Variants in MTF2 observed in about 807,000 individuals in gnomAD.
The protein encoded by MTF2 is metal response element binding transcription factor 2.
A neutral mutation model predicts 79.5 loss-of-function variants in MTF2; 11 were observed. The observed-to-expected ratio is 0.14, with a 90% confidence interval of 0.09 to 0.23. The LOEUF (loss-of-function observed/expected upper bound fraction) is 0.23. MTF2 is among the 10% of genes least tolerant of loss of function. The pLI is 1.00. For missense variants in MTF2, 486 were observed against 711.2 expected, an observed-to-expected ratio of 0.68 and a Z score of 3.60; for synonymous variants, 208 against 232.8, an observed-to-expected ratio of 0.89 and a Z score of 0.97.
intron 1 of MTF2, among the ~76,000 whole-genome samples, chr1:93,090,210 T>C (rs1655018490): frequency 6.6e-6 from 1 of 152,110 alleles, no homozygotes. Flanking sequence ...TCTCCTGACC[T>C]CGTGATCCAC....
intron 14 of MTF2, among the ~76,000 whole-genome samples, chr1:93,136,171 G>A (rs935380877): frequency 1.3e-5 from 2 of 152,156 alleles, no homozygotes; most frequent in African/African-American, 4.8e-5. Flanking sequence ...CTGACTGCTA[G>A]TTTGTGCTTA....
intron 6 of MTF2, among the ~76,000 whole-genome samples, chr1:93,116,057 T>C (rs543573561): frequency 6.6e-6 from 1 of 152,278 alleles, no homozygotes; most frequent in African/African-American, 2.4e-5. Flanking sequence ...AGATTACTGC[T>C]TTCTTCTACG....
rs776139434 is a variant in MTF2 at position 93,110,637 on chromosome 1, C to G, written c.286+11C>G. On this transcript the variant is annotated intron_variant, in intron 3 of 14. Transcript: ENST00000370298. Reference sequence around the variant, plus strand: ...AGGACATTCAAACAGGCAGGTGCTACTATTTCTCTTGAACATGATTTAAAT... The same window carrying G: ...AGGACATTCAAACAGGCAGGTGCTAGTATTTCTCTTGAACATGATTTAAAT... 6.3e-7 allele frequency: 1 copy of G among 1,585,724 alleles called. No individual in the cohort carries two copies. Among genetic ancestry groups the G allele is most frequent in the South Asian group, 1.1e-5 (1 of 89,050 alleles).
At chr1:93,080,764 CTTTTT>C (rs34251431) in intron 1 of MTF2, among the ~76,000 whole-genome samples, 1 of 136,736 alleles carries the variant, frequency 7.3e-6, no homozygotes, top group East Asian at 2.1e-4. Flanking sequence ...TTGGGAATTC[CTTTTT>C]TTTTTTTTTT....
At chr1:93,124,816 G>A (rs963402420) in intron 9 of MTF2, among the ~76,000 whole-genome samples, 1 of 151,756 alleles carries the variant, frequency 6.6e-6, no homozygotes, top group Admixed American at 6.6e-5. Context: ...TTAGTATCTG[G>A]AGAGGGGGGA....
At chr1:93,119,142 T>C (rs1205762924) in intron 7 of MTF2, among the ~76,000 whole-genome samples, 191 bp from the exon 8 acceptor site, 1 of 152,238 alleles carries the variant, frequency 6.6e-6, no homozygotes, top group Non-Finnish European at 1.5e-5. Flanking sequence ...ACATATGAAC[T>C]GTTTCATTAT....
chr1:93,118,103 A>G (rs1259426290), intron 6 of MTF2, among the ~76,000 whole-genome samples: 1 of 152,198 alleles, frequency 6.6e-6, no homozygotes, highest in Non-Finnish European at 1.5e-5. Context: ...GACTAGAAGT[A>G]GTAGTGTATC....
At chr1:93,134,346 T>C (rs752109295) in intron 14 of MTF2, 151 bp downstream of exon 14, 3 of 587,258 alleles carry the variant, frequency 5.1e-6, no homozygotes, top group East Asian at 5.9e-5. Context: ...TAGATCCCAA[T>C]AGTTGTTAAT....
At chr1:93,134,330 C>T (rs987450350) in intron 14 of MTF2, 135 bp downstream of exon 14, 11 of 638,548 alleles carry the variant, frequency 1.7e-5, no homozygotes, top group African/African-American at 1.3e-4. Flanking sequence ...AGAGGTAATC[C>T]ATATGTAGAT....
At position 93,081,456 on chromosome 1, in the gene MTF2, G is replaced by A. The variant is rs2815420; in HGVS notation, c.5+1925G>A. 6.9e-3 allele frequency among the ~76,000 whole-genome samples: 1,052 copies of A among 152,302 alleles called. 13 individuals carry two copies. Among genetic ancestry groups the A allele is most frequent in the Middle Eastern group, 0.027 (8 of 294 alleles). Reference sequence around the variant, plus strand: ...AAATTTGCCTCTGAGGAGTTGCCATGACCAACATCTGTAGCTTGATGGTTC... The same window carrying A: ...AAATTTGCCTCTGAGGAGTTGCCATAACCAACATCTGTAGCTTGATGGTTC... On this transcript the variant is annotated intron_variant, in intron 1 of 14. Transcript: ENST00000370298.
intron 1 of MTF2, among the ~76,000 whole-genome samples, chr1:93,087,734 A>G (rs1186318352): frequency 1.3e-5 from 2 of 152,206 alleles, no homozygotes; most frequent in African/African-American, 2.4e-5. Context: ...TTGGGATCCA[A>G]AGGTGACAAA....
intron 1 of MTF2, among the ~76,000 whole-genome samples, chr1:93,084,801 T>A (rs781697854): frequency 2.0e-5 from 3 of 152,152 alleles, no homozygotes; most frequent in Non-Finnish European, 4.4e-5. Flanking sequence ...CTTAGGAGTT[T>A]GAGACTTCAG....
intron 10 of MTF2, 94 bp from the exon 11 acceptor site, chr1:93,129,184 A>G (rs1656822817): frequency 1.2e-6 from 1 of 823,458 alleles, no homozygotes; most frequent in Non-Finnish European, 1.7e-6. Context: ...TGGGCTTTCA[A>G]GTATAAGGGC....
At chr1:93,116,825 C>T (rs910325836) in intron 6 of MTF2, among the ~76,000 whole-genome samples, 1 of 152,046 alleles carries the variant, frequency 6.6e-6, no homozygotes, top group Non-Finnish European at 1.5e-5. Context: ...ATTAATTAGC[C>T]TAATTTCAAT....
At chr1:93,120,358 T>C (rs967774930) in intron 8 of MTF2, 191 bp from the exon 9 acceptor site, 4 of 418,982 alleles carry the variant, frequency 9.5e-6, no homozygotes, top group Non-Finnish European at 1.6e-5. Flanking sequence ...ATAGTTGCTA[T>C]TCAGAATAAG....
intron 1 of MTF2, among the ~76,000 whole-genome samples, chr1:93,101,626 G>A (rs568104504): frequency 2.7e-5 from 3 of 112,158 alleles, no homozygotes; most frequent in Admixed American, 1.4e-4. Flanking sequence ...TACCCAGGCT[G>A]GAATGCAGTG....
At chr1:93,116,973 T>C (rs1656272854) in intron 6 of MTF2, among the ~76,000 whole-genome samples, 1 of 152,124 alleles carries the variant, frequency 6.6e-6, no homozygotes, top group Admixed American at 6.5e-5. Context: ...TGGCCCAAAA[T>C]AGTTATAGTA....
intron 9 of MTF2, among the ~76,000 whole-genome samples, chr1:93,125,666 T>G (rs1418566770): frequency 6.6e-6 from 1 of 151,886 alleles, no homozygotes; most frequent in Non-Finnish European, 1.5e-5. Context: ...GATACTCAAT[T>G]TGATAGCAGT....
At chr1:93,105,216 G>A (rs1045889259) in intron 1 of MTF2, among the ~76,000 whole-genome samples, 3 of 151,714 alleles carry the variant, frequency 2.0e-5, no homozygotes, top group Non-Finnish European at 4.4e-5. Flanking sequence ...GAAGTGGGCC[G>A]AAGACTGAAA....
Sources: gnomAD v4.1 joint callset for allele counts (sites outside exome capture counted in the v4.1 genomes callset) on GRCh38, gnomAD v4.1.1 for gene constraint, MANE v1.5 for transcripts, NCBI Gene and HGNC (gene_info 2026-07-23, HGNC 2026-07-21) for gene names.